Variants in C13orf46 observed in about 807,000 individuals in gnomAD.
C13orf46 encodes chromosome 13 open reading frame 46.
At chr13:113,939,323 GGACCACCCGATGGGGAGGACAGA>G in the C13orf46 span, among the ~76,000 whole-genome samples, 3 of 152,062 alleles carry the variant, frequency 2.0e-5, no homozygotes, top group East Asian at 3.9e-4. Context: ...AGCCAGAAGG[GGACCACCCGATGGGGAGGACAGA>G]GACCACCCGA....
rs1366594221 is a variant in C13orf46, at chr13:113,955,970, C to T, written c.*803G>A. The T allele has an allele frequency of 0.31, 44,228 of 143,430 alleles. 7,991 individuals carry two copies. The highest frequency in any genetic ancestry group is 0.46 in the East Asian group (2,082 of 4,496). The allele number at this position is 143,430 out of a possible 1,614,324, so 8.9% of individuals were successfully genotyped here. ...GGCGGAGACGAGGAGGAGCATCTGG[C>T]GGAGACGAGGAGTAGGATCTGGCAG... On this transcript the variant is annotated 3_prime_UTR_variant, in exon 7 of 7. Transcript: ENST00000636427.
intron 1 of C13orf46, among the ~76,000 whole-genome samples, chr13:113,972,424 C>T (rs1418546377): frequency 2.6e-5 from 4 of 152,226 alleles, no homozygotes; most frequent in Admixed American, 6.5e-5. Flanking sequence ...AACCCCGAGT[C>T]CTACCGGGCT....
the C13orf46 span, among the ~76,000 whole-genome samples, chr13:113,944,302 G>A: frequency 6.6e-6 from 1 of 152,136 alleles, no homozygotes; most frequent in Non-Finnish European, 1.5e-5. Flanking sequence ...CCCCTCCAGT[G>A]GGCTTGCACC....
chr13:113,934,802 G>A, the C13orf46 span, among the ~76,000 whole-genome samples: 2 of 152,364 alleles, frequency 1.3e-5, no homozygotes, highest in African/African-American at 2.4e-5. Context: ...CGGGAACTCC[G>A]CCAGCACCTC....
At chr13:113,944,213 GA>G in the C13orf46 span, among the ~76,000 whole-genome samples, 1 of 152,094 alleles carries the variant, frequency 6.6e-6, no homozygotes, top group Admixed American at 6.5e-5. Flanking sequence ...TGATGCTCCA[GA>G]CCCCTCCAGG....
intron 6 of C13orf46, among the ~76,000 whole-genome samples, chr13:113,957,866 G>T (rs1257920704): frequency 1.7e-4 from 25 of 147,516 alleles, no homozygotes; most frequent in Non-Finnish European, 3.3e-4. Context: ...AAGCGCACTG[G>T]GGGTCTCCCC....
downstream of C13orf46, among the ~76,000 whole-genome samples, chr13:113,951,106 C>G (rs1260626675): frequency 6.6e-6 from 1 of 152,198 alleles, no homozygotes; most frequent in Admixed American, 6.5e-5. Flanking sequence ...GGCGTGTGGT[C>G]CTGGTGTGGG....
At chr13:113,961,257 G>A (rs1220342135) in intron 6 of C13orf46, among the ~76,000 whole-genome samples, 1 of 151,926 alleles carries the variant, frequency 6.6e-6, no homozygotes, top group Admixed American at 6.6e-5. Flanking sequence ...TTGTGAGCAT[G>A]TTATTGATAT....
downstream of C13orf46, among the ~76,000 whole-genome samples, chr13:113,949,456 C>T (rs1252424432): frequency 1.3e-5 from 2 of 152,116 alleles, no homozygotes; most frequent in Non-Finnish European, 1.5e-5. Context: ...CACTCCAGGT[C>T]GTCAGTGTCA....
At chr13:113,966,353 GTGA>G (rs1465550593) in intron 5 of C13orf46, among the ~76,000 whole-genome samples, 18,925 of 148,506 alleles carry the variant, frequency 0.13, 1,621 homozygotes, top group Middle Eastern at 0.2. Flanking sequence ...GATAATGACG[GTGA>G]TGATATTAAT....
the C13orf46 span, among the ~76,000 whole-genome samples, chr13:113,943,129 T>C: frequency 6.6e-6 from 1 of 152,160 alleles, no homozygotes; most frequent in African/African-American, 2.4e-5. Context: ...GACAGCAGCG[T>C]TGGCTCCTGT....
At chr13:113,953,430 T>C (rs1173042532), downstream of C13orf46, among the ~76,000 whole-genome samples, 1 of 151,828 alleles carries the variant, frequency 6.6e-6, no homozygotes, top group African/African-American at 2.4e-5. Context: ...ACCCCAGCAC[T>C]GGCCCTGATC....
chr13:113,962,075 A>G (rs2052591483), intron 6 of C13orf46, among the ~76,000 whole-genome samples: 1 of 152,234 alleles, frequency 6.6e-6, no homozygotes, highest in Non-Finnish European at 1.5e-5. Context: ...AAAAGGCAAC[A>G]CTAGGAAAAA....
At position 113,968,725 on chromosome 13, in the gene C13orf46, A is replaced by C. The variant is rs1203037155; in HGVS notation, c.278T>G (p.Phe93Cys). The C allele has an allele frequency of 6.6e-6, 1 of 152,296 alleles. No homozygotes were observed. The highest frequency in any genetic ancestry group is 1.5e-5 in the Non-Finnish European group (1 of 68,092). 9.4% of individuals were successfully genotyped at this position (152,296 alleles called of 1,614,324 possible). A position where few individuals can be genotyped will look rare whatever the true frequency, so the allele number is the denominator to read the frequency against. The change falls in exon 3 of 7, where the codon TTC becomes TGC. Residue 93 changes from phenylalanine to cysteine, a missense_variant. By Grantham distance (205) the Phe-to-Cys change is radical (BLOSUM62 -2). Coordinates refer to ENST00000636427, the MANE Select transcript of C13orf46 (RefSeq NM_001365455.2). ...ATGACCCAGCTTCCCAAGGGTGCTG[A>C]AGCTTTCCTTCTTGTCTTGTGCTAG... is the stretch of plus-strand genomic sequence containing the variant. ...KNLAQDKKES[F>C]STLGKLGHES...
the C13orf46 span, among the ~76,000 whole-genome samples, chr13:113,945,606 A>AGAGAGAGAGAGAG: frequency 3.3e-3 from 109 of 33,536 alleles, no homozygotes; most frequent in African/African-American, 0.012. Flanking sequence ...AGAAAGAAAG[A>AGAGAGAGAGAGAG]AGAAAGAAAG....
At chr13:113,929,672 C>T in the C13orf46 span, among the ~76,000 whole-genome samples, 6 of 152,208 alleles carry the variant, frequency 3.9e-5, no homozygotes, top group South Asian at 2.1e-4. Context: ...TCACTGACCA[C>T]GCAGGGCCAT....
chr13:113,934,134 G>A, the C13orf46 span, among the ~76,000 whole-genome samples: 9 of 152,194 alleles, frequency 5.9e-5, no homozygotes, highest in Non-Finnish European at 1.0e-4. Flanking sequence ...ACGGAGTGCG[G>A]AATGCAGCCT....
the C13orf46 span, among the ~76,000 whole-genome samples, chr13:113,929,812 C>T: frequency 3.1e-4 from 47 of 152,220 alleles, no homozygotes; most frequent in Admixed American, 1.1e-3. Flanking sequence ...GTGAGTTCAT[C>T]TGCCATACCT....
At chr13:113,962,142 G>T (rs1164191362) in intron 6 of C13orf46, among the ~76,000 whole-genome samples, 1 of 152,202 alleles carries the variant, frequency 6.6e-6, no homozygotes, top group Non-Finnish European at 1.5e-5. Context: ...GGTGGCTCAC[G>T]CCTGTAATCC....
Sources: gnomAD v4.1 joint callset for allele counts (sites outside exome capture counted in the v4.1 genomes callset) on GRCh38, gnomAD v4.1.1 for gene constraint, MANE v1.5 for transcripts, NCBI Gene and HGNC (gene_info 2026-07-23, HGNC 2026-07-21) for gene names.